MINDY3: variants seen among roughly 807,000 people sequenced by gnomAD.
MINDY3 encodes MINDY lysine 48 deubiquitinase 3.
MINDY3 carries 38 observed loss-of-function variants against 69.2 expected under a neutral mutation model. That is an observed-to-expected ratio of 0.55 (90% confidence interval 0.42 to 0.72). The LOEUF is 0.72. MINDY3 is among the 30% of genes least tolerant of loss of function. The pLI is 0.00. For missense variants in MINDY3, 522 were observed against 519.0 expected, an observed-to-expected ratio of 1.01 and a Z score of -0.06; for synonymous variants, 192 against 180.1, an observed-to-expected ratio of 1.07 and a Z score of -0.53.
intron 2 of MINDY3, 26 bp downstream of exon 2, chr10:15,847,838 G>A: frequency 6.4e-7 from 1 of 1,558,534 alleles, no homozygotes; most frequent in Non-Finnish European, 8.9e-7. Context: ...GTCCCTCTAA[G>A]GAGTTGGTAA....
chr10:15,826,901 G>A (rs1332333944), intron 8 of MINDY3, among the ~76,000 whole-genome samples: 4 of 151,658 alleles, frequency 2.6e-5, no homozygotes, highest in Non-Finnish European at 4.4e-5. Context: ...AGACTAAAGA[G>A]CCAAACATTA....
intron 8 of MINDY3, among the ~76,000 whole-genome samples, chr10:15,824,558 G>A (rs915090088): frequency 2.0e-5 from 3 of 152,170 alleles, no homozygotes; most frequent in Non-Finnish European, 4.4e-5. Flanking sequence ...GAGAAGAACA[G>A]CCCAAATAGG....
At chr10:15,815,607 C>T (rs543941119) in intron 10 of MINDY3, among the ~76,000 whole-genome samples, 20 of 152,124 alleles carry the variant, frequency 1.3e-4, no homozygotes, top group Non-Finnish European at 2.4e-4. Flanking sequence ...CATTCAGCAA[C>T]CTATCAAGTT....
intron 10 of MINDY3, 137 bp from the exon 11 acceptor site, chr10:15,796,309 G>T: frequency 1.5e-6 from 1 of 677,428 alleles, no homozygotes; most frequent in Non-Finnish European, 2.6e-6. Context: ...GATGTGTAAC[G>T]AGATAGGTCA....
intron 10 of MINDY3, among the ~76,000 whole-genome samples, chr10:15,804,002 CAT>C (rs1838450553): frequency 6.6e-6 from 1 of 152,116 alleles, no homozygotes; most frequent in Non-Finnish European, 1.5e-5. Context: ...AGATCCTACA[CAT>C]GAGACTCAAC....
chr10:15,835,028 C>T (rs894585925), intron 6 of MINDY3, among the ~76,000 whole-genome samples: 1 of 151,908 alleles, frequency 6.6e-6, no homozygotes, highest in Non-Finnish European at 1.5e-5. Flanking sequence ...ACATGAATAT[C>T]GATAGAGATA....
Position 15,786,582 on chromosome 10 carries a change from A to G in MINDY3, c.1095T>C (p.Leu365=). 6.3e-7 allele frequency: 1 copy of G among 1,585,116 alleles called. No individual in the cohort carries two copies. The highest frequency in any genetic ancestry group is 8.7e-7 in the Non-Finnish European group (1 of 1,155,172). The change falls in exon 13 of 15, where the codon CTT becomes CTC. Residue 365 remains leucine, a synonymous_variant. Transcript: ENST00000277632. The part of the protein sequence containing the change: ...GLGIILLGPF[L]QEFFPDQGSS... ...TTACCTGATCAGGAAAAAATTCTTGAAGAAATGGGCCCAATAATATGATTC... is the reference window on the plus strand; with the variant it reads ...TTACCTGATCAGGAAAAAATTCTTGGAGAAATGGGCCCAATAATATGATTC...
intron 5 of MINDY3, chr10:15,837,695 A>G: frequency 2.7e-6 from 3 of 1,093,446 alleles, no homozygotes; most frequent in South Asian, 2.6e-5. Flanking sequence ...ATTACTTAAC[A>G]AATATCTTAA....
intron 13 of MINDY3, among the ~76,000 whole-genome samples, chr10:15,784,031 C>A (rs1012274526): frequency 6.6e-6 from 1 of 152,138 alleles, no homozygotes; most frequent in Non-Finnish European, 1.5e-5. Context: ...TGACCTTAAA[C>A]AATTGTCTTA....
intron 1 of MINDY3, among the ~76,000 whole-genome samples, chr10:15,853,140 G>C (rs1306002073): frequency 6.6e-6 from 1 of 152,124 alleles, no homozygotes; most frequent in African/African-American, 2.4e-5. Flanking sequence ...ATGATAGTTT[G>C]AAGGGTAGTT....
At chr10:15,827,774 T>C (rs1267895276) in intron 8 of MINDY3, among the ~76,000 whole-genome samples, 1 of 151,976 alleles carries the variant, frequency 6.6e-6, no homozygotes, top group East Asian at 1.9e-4. Context: ...AGAAGAAGAA[T>C]ACTCAAAACT....
chr10:15,782,072 T>C, intron 14 of MINDY3, 83 bp downstream of exon 14: 1 of 962,034 alleles, frequency 1.0e-6, no homozygotes, highest in Non-Finnish European at 1.6e-6. Flanking sequence ...GTAGCAATTG[T>C]ACGGGAATCG....
At chr10:15,814,666 C>A (rs913139795) in intron 10 of MINDY3, among the ~76,000 whole-genome samples, 1 of 152,100 alleles carries the variant, frequency 6.6e-6, no homozygotes, top group Non-Finnish European at 1.5e-5. Flanking sequence ...CGAGAGACAG[C>A]CCCTGCCCTA....
chr10:15,786,430 C>T (rs1564453166), intron 13 of MINDY3, 131 bp downstream of exon 13: 1 of 643,264 alleles, frequency 1.6e-6, no homozygotes, highest in Non-Finnish European at 2.8e-6. Context: ...GGGAAGGTTT[C>T]CATGTAACGG....
intron 13 of MINDY3, among the ~76,000 whole-genome samples, chr10:15,784,884 C>T (rs923444174): frequency 3.3e-5 from 5 of 152,010 alleles, no homozygotes; most frequent in African/African-American, 1.2e-4. Flanking sequence ...AGGGCATGAT[C>T]GGAAAAGATC....
chr10:15,812,926 G>A (rs1839106781), intron 10 of MINDY3, among the ~76,000 whole-genome samples: 1 of 152,048 alleles, frequency 6.6e-6, no homozygotes, highest in African/African-American at 2.4e-5. Flanking sequence ...TCTACCTCAG[G>A]AGTAAATCTC....
At chr10:15,854,051 G>A (rs1834509346) in intron 1 of MINDY3, among the ~76,000 whole-genome samples, 1 of 152,086 alleles carries the variant, frequency 6.6e-6, no homozygotes. Flanking sequence ...CCAGTAGACT[G>A]ATAATCTCCA....
chr10:15,781,736 A>G (rs1200464875), intron 14 of MINDY3, among the ~76,000 whole-genome samples: 1 of 152,184 alleles, frequency 6.6e-6, no homozygotes, highest in Admixed American at 6.5e-5. Context: ...ACTTAATACA[A>G]TTTCGGGTAA....
intron 12 of MINDY3, among the ~76,000 whole-genome samples, chr10:15,788,414 C>G (rs1347369898): frequency 6.6e-6 from 1 of 152,090 alleles, no homozygotes. Flanking sequence ...TATGACTGAA[C>G]TCATCTAAAA....
Sources: gnomAD v4.1 joint callset for allele counts (sites outside exome capture counted in the v4.1 genomes callset) on GRCh38, gnomAD v4.1.1 for gene constraint, MANE v1.5 for transcripts, NCBI Gene and HGNC (gene_info 2026-07-23, HGNC 2026-07-21) for gene names.